Variants in ARHGEF1 observed in about 807,000 individuals in gnomAD.
ARHGEF1 encodes the protein Rho guanine nucleotide exchange factor 1.
In ARHGEF1, 40 loss-of-function variants were observed where a neutral mutation model predicts 119.7. The ratio of observed to expected loss-of-function variants is 0.33; its 90% CI spans 0.26 to 0.44. The LOEUF is 0.44. Among genes scored for constraint, ARHGEF1 ranks in the 20% least tolerant of loss-of-function variants. The pLI, the probability that ARHGEF1 is intolerant of heterozygous loss-of-function variation, is 1.00. For synonymous variants in ARHGEF1, 494 were observed against 521.0 expected (o/e 0.95, Z 0.71); for missense variants, 976 against 1,268.3 (o/e 0.77, Z 3.50).
At chr19:41,909,215 G>A (rs2145880245), downstream of ARHGEF1, 1 of 1,230,722 alleles carries the variant, frequency 8.1e-7, no homozygotes, top group Non-Finnish European at 1.0e-6. This position sits in a 1 kb window ranked among gnomAD's most constrained non-coding sequence, Gnocchi z 5.2. Flanking sequence ...TTCTCAGACT[G>A]TCCCCTCCCC....
chr19:41,922,892 T>C (rs1335893353), upstream of ARHGEF1, among the ~76,000 whole-genome samples: 1 of 152,082 alleles, frequency 6.6e-6, no homozygotes, highest in Non-Finnish European at 1.5e-5. Context: ...CCACACCGGG[T>C]CCCATGCCCA....
In ARHGEF1 at chr19:41,902,269, C is replaced by G. The variant is rs925727704; in HGVS notation, c.1415-5C>G. 3 of 1,614,036 alleles carry G rather than the reference C, an allele frequency of 1.9e-6. No homozygotes were observed. The highest frequency in any genetic ancestry group is 3.3e-5 in the Admixed American group (2 of 60,006). ...TGGAGCATCCCTTTCCTCCTGCCCC[C>G]ACAGCCCTGTTCCTCGATCGCCTGA... On this transcript the variant is annotated splice_region_variant and splice_polypyrimidine_tract_variant and intron_variant, in intron 15 of 28. Coordinates refer to ENST00000354532, the MANE Select transcript of ARHGEF1 (RefSeq NM_004706.4). This position sits in a 1 kb window ranked among gnomAD's most constrained non-coding sequence, Gnocchi z 6.5.
chr19:41,897,940 G>A, intron 13 of ARHGEF1: 1 of 1,301,764 alleles, frequency 7.7e-7, no homozygotes, highest in Non-Finnish European at 9.7e-7. Flanking sequence ...TGGCCTCGGG[G>A]TCCAGGCTAT....
chr19:41,928,835 C>T, exon 2 of ARHGEF1: 2 of 448,820 alleles, frequency 4.5e-6, no homozygotes, highest in South Asian at 1.6e-5. Flanking sequence ...CCTAAGTGGA[C>T]GCGCGGACAA....
chr19:41,893,371 C>G (rs1389962898), intron 8 of ARHGEF1, 68 bp downstream of exon 8: 1 of 1,354,934 alleles, frequency 7.4e-7, no homozygotes, highest in East Asian at 3.3e-5. Flanking sequence ...GGCCTGGACT[C>G]CTGGGTCTGA....
chr19:41,891,327 G>A (rs1555846166), intron 4 of ARHGEF1, among the ~76,000 whole-genome samples: 1 of 152,078 alleles, frequency 6.6e-6, no homozygotes, highest in African/African-American at 2.4e-5. Flanking sequence ...GTGTCACCCA[G>A]GCTGGAGTGC....
chr19:41,888,711 C>T lies in ARHGEF1; in HGVS notation c.112-41C>T. On this transcript the variant is annotated intron_variant, in intron 3 of 28. Coordinates refer to ENST00000354532, the MANE Select transcript of ARHGEF1 (RefSeq NM_004706.4). The surrounding 1 kb of genome is among the most constrained non-coding windows in gnomAD (Gnocchi z 5.1). ...GGGTAGGGTCAACCCTAAGGCCCCT[C>T]CTCTTCTCCCCATTGTACTCACCCC... The T allele has an allele frequency of 6.3e-7, 1 of 1,581,380 alleles. No individual in the cohort carries two copies.
chr19:41,910,440 A>G (rs1335231242), downstream of ARHGEF1, among the ~76,000 whole-genome samples: 1 of 152,024 alleles, frequency 6.6e-6, no homozygotes, highest in African/African-American at 2.4e-5. This position sits in a 1 kb window ranked among gnomAD's most constrained non-coding sequence, Gnocchi z 4.4. Context: ...CCCGCCTCCA[A>G]CAGCGTTAGT....
At chr19:41,908,945 A>G (rs2074736129), downstream of ARHGEF1, 4 of 608,306 alleles carry the variant, frequency 6.6e-6, no homozygotes, top group East Asian at 1.4e-4. This position sits in a 1 kb window ranked among gnomAD's most constrained non-coding sequence, Gnocchi z 6.7. Context: ...ACACCCTACA[A>G]CCTGGCCCTG....
At chr19:41,887,394 CTG>C (rs2074309470) in intron 1 of ARHGEF1, among the ~76,000 whole-genome samples, 1 of 152,150 alleles carries the variant, frequency 6.6e-6, no homozygotes, top group African/African-American at 2.4e-5. Context: ...GATGGGCTGT[CTG>C]AGGCCCCATC....
chr19:41,915,852 G>T (rs555358276), intron 18 of ARHGEF1, among the ~76,000 whole-genome samples: 2 of 152,150 alleles, frequency 1.3e-5, no homozygotes, highest in Non-Finnish European at 2.9e-5. Flanking sequence ...GGGCCAAACA[G>T]GGCCTGGCAG....
downstream of ARHGEF1, among the ~76,000 whole-genome samples, chr19:41,910,986 GAC>G (rs1486256722): frequency 6.6e-6 from 1 of 152,128 alleles, no homozygotes; most frequent in Non-Finnish European, 1.5e-5. This position sits in a 1 kb window ranked among gnomAD's most constrained non-coding sequence, Gnocchi z 4.4. Flanking sequence ...TGCCTGACAA[GAC>G]ACACACAGGA....
At chr19:41,894,602 C>T (rs1555847121) in intron 10 of ARHGEF1, 24 bp from the exon 11 acceptor site, 1 of 1,614,076 alleles carries the variant, frequency 6.2e-7, no homozygotes, top group South Asian at 1.1e-5. Flanking sequence ...CTCCCACTCA[C>T]TGTCTCATTC....
chr19:41,887,286 C>T (rs1184840560), intron 1 of ARHGEF1, among the ~76,000 whole-genome samples: 6 of 151,858 alleles, frequency 4.0e-5, no homozygotes, highest in Non-Finnish European at 8.8e-5. Flanking sequence ...GAAAAGAGAC[C>T]AAGACATGAG....
rs2074619039 is a variant in ARHGEF1, at chr19:41,902,411, G to A, written c.1497+55G>A. On this transcript the variant is annotated intron_variant, in intron 16 of 28. Coordinates refer to ENST00000354532, the MANE Select transcript of ARHGEF1 (RefSeq NM_004706.4). The surrounding 1 kb of genome is among the most constrained non-coding windows in gnomAD (Gnocchi z 6.5). ...AGCTAGACACATGGAATTCAGGCCC[G>A]GGACGGGTCCTGAGCCCACCCTACT... is the stretch of plus-strand genomic sequence containing the variant. 3.1e-6 allele frequency: 5 copies of A among 1,612,304 alleles called. No individual in the cohort carries two copies. Among genetic ancestry groups the A allele is most frequent in the Admixed American group, 1.7e-5 (1 of 59,988 alleles).
At chr19:41,920,195 C>T (rs182244645), upstream of ARHGEF1, among the ~76,000 whole-genome samples, 178 of 116,530 alleles carry the variant, frequency 1.5e-3, 2 homozygotes, top group African/African-American at 5.6e-3. Flanking sequence ...CAGACATGCG[C>T]TCACAGACAT....
chr19:41,920,231 C>T (rs1014538808), upstream of ARHGEF1, among the ~76,000 whole-genome samples: 4 of 122,540 alleles, frequency 3.3e-5, no homozygotes, highest in Non-Finnish European at 6.6e-5. Flanking sequence ...GACACTCAGA[C>T]GTGACGTGCT....
At position 41,904,153 on chromosome 19, in the gene ARHGEF1, T is replaced by C; in HGVS notation, c.1993+43T>C. On this transcript the variant is annotated intron_variant, in intron 21 of 28. Coordinates refer to ENST00000354532, the MANE Select transcript of ARHGEF1 (RefSeq NM_004706.4). The surrounding 1 kb of genome is among the most constrained non-coding windows in gnomAD (Gnocchi z 8.4). ...TGCCTAGTGCAGGGTGTTGGGGCAG[T>C]GAGCCAAGGGCGGGGAGGGGGTCGC... 1 of 1,613,510 alleles carries C rather than the reference T, an allele frequency of 6.2e-7. No individual in the cohort carries two copies. The highest frequency in any genetic ancestry group is 8.5e-7 in the Non-Finnish European group (1 of 1,179,534).
intron 1 of ARHGEF1, chr19:41,884,355 A>C (rs1287351642): frequency 6.9e-7 from 1 of 1,454,108 alleles, no homozygotes; most frequent in Non-Finnish European, 9.4e-7. Flanking sequence ...AGCGGCTGGC[A>C]GGAGGAGTGG....
Sources: gnomAD v4.1 joint callset for allele counts (sites outside exome capture counted in the v4.1 genomes callset) on GRCh38, gnomAD v4.1.1 for gene constraint, Gnocchi (gnomAD v3.1) non-coding constraint, MANE v1.5 for transcripts, NCBI Gene and HGNC (gene_info 2026-07-23, HGNC 2026-07-21) for gene names.